Variants in ABI1 observed in about 807,000 individuals in gnomAD.
ABI1 encodes abl interactor 1, also known as Abelson interactor 1.
ABI1 carries 14 observed loss-of-function variants against 54.6 expected under a neutral mutation model. That is an observed-to-expected ratio of 0.26 (90% CI 0.17 to 0.40). ABI1 has a LOEUF of 0.40. Ranked by LOEUF, ABI1 falls within the 10% of genes least tolerant of loss-of-function variation. The probability of loss-of-function intolerance (pLI) is 1.00; values close to 1 mark genes in which losing one functional copy is unlikely to be tolerated. For missense variants in ABI1, 443 were observed against 598.3 expected (o/e 0.74, Z 2.71); for synonymous variants, 194 against 209.3 (o/e 0.93, Z 0.63).
At chr10:26,808,312 C>T (rs2047003057) in intron 2 of ABI1, among the ~76,000 whole-genome samples, 1 of 152,144 alleles carries the variant, frequency 6.6e-6, no homozygotes, top group African/African-American at 2.4e-5. Flanking sequence ...ACTCCTGGAA[C>T]AGAAACTAAA....
intron 1 of ABI1, among the ~76,000 whole-genome samples, chr10:26,854,453 A>G (rs2050655234): frequency 1.7e-5 from 1 of 59,196 alleles, no homozygotes; most frequent in Non-Finnish European, 2.7e-5. Context: ...GTGAAAGAAG[A>G]AAAAAAAAAA....
rs1398602707 is a variant in ABI1, at chr10:26,860,923, C to G, written c.-60G>C. The stretch of plus-strand genomic sequence containing the variant: ...AAGAGACAGAGGCAGCAAGGTCCGC[C>G]GAGGCTCCGAGCACCTCACAGCCCG... On this transcript the variant is annotated 5_prime_UTR_variant, in exon 1 of 11. Coordinates refer to ENST00000376140, the MANE Select transcript of ABI1 (RefSeq NM_001012750.3). This position sits in a 1 kb window ranked among gnomAD's most constrained non-coding sequence, Gnocchi z 4.1. 6.7e-7 allele frequency: 1 copy of G among 1,502,828 alleles called. No homozygotes were observed. Among genetic ancestry groups the G allele is most frequent in the East Asian group, 2.3e-5 (1 of 44,304 alleles). The allele number at this position is 1,502,828 out of a possible 1,614,324, so 93.1% of individuals were successfully genotyped here.
At chr10:26,851,359 T>TTTTTTTTTTTC (rs1263200642) in intron 1 of ABI1, among the ~76,000 whole-genome samples, 10 of 137,784 alleles carry the variant, frequency 7.3e-5, no homozygotes, top group African/African-American at 2.8e-4. Flanking sequence ...TTTTTTTTTT[T>TTTTTTTTTTTC]TTTTTTTTTT....
chr10:26,778,905 G>T lies in ABI1; in HGVS notation c.286-1664C>A, dbSNP rs1489658854. Among the ~76,000 whole-genome samples, 4 of 152,182 alleles carry T rather than the reference G, an allele frequency of 2.6e-5. No individual in the cohort carries two copies. The East Asian group carries it at 7.7e-4, about 29-fold the overall frequency. ...CTTTTTCTCTAATGTACACAACTGT[G>T]TATGCAGGCATCACCTGGCTCTTTG... On this transcript the variant is annotated intron_variant, in intron 2 of 10. Transcript: ENST00000376140.
chr10:26,750,769 T>C (rs1470957731), intron 10 of ABI1, among the ~76,000 whole-genome samples: 1 of 152,172 alleles, frequency 6.6e-6, no homozygotes, highest in Non-Finnish European at 1.5e-5. Context: ...AGCACAGAAC[T>C]GGATGAAAAA....
chr10:26,843,169 G>A (rs114800793), intron 1 of ABI1, among the ~76,000 whole-genome samples: 65 of 151,904 alleles, frequency 4.3e-4, no homozygotes, highest in African/African-American at 1.4e-3. Context: ...ATATCTTGGT[G>A]GGGTCCAGCA....
intron 7 of ABI1, among the ~76,000 whole-genome samples, chr10:26,763,014 T>C (rs769041812): frequency 1.2e-4 from 18 of 152,342 alleles, no homozygotes; most frequent in Admixed American, 3.9e-4. Flanking sequence ...GGATATAAAA[T>C]AGTATCTCAC....
intron 3 of ABI1, among the ~76,000 whole-genome samples, chr10:26,776,088 A>G (rs926568762): frequency 6.6e-6 from 1 of 152,224 alleles, no homozygotes; most frequent in African/African-American, 2.4e-5. Context: ...CACAAGAAAT[A>G]AACAAGCAGT....
chr10:26,832,032 C>T (rs1422663923), intron 1 of ABI1, among the ~76,000 whole-genome samples: 2 of 152,310 alleles, frequency 1.3e-5, no homozygotes, highest in Non-Finnish European at 1.5e-5. Context: ...CTCAAATGGT[C>T]CTTAAATGGT....
intron 2 of ABI1, among the ~76,000 whole-genome samples, chr10:26,797,616 C>T (rs1390722496): frequency 1.3e-5 from 2 of 152,060 alleles, no homozygotes; most frequent in Non-Finnish European, 2.9e-5. Flanking sequence ...GAGGGAGAAT[C>T]TCAGCAGACA....
At chr10:26,837,568 A>G (rs1167270483) in intron 1 of ABI1, among the ~76,000 whole-genome samples, 2 of 152,154 alleles carry the variant, frequency 1.3e-5, no homozygotes, top group Non-Finnish European at 2.9e-5. Context: ...ACTTGACGGC[A>G]ATACTGTTAA....
intron 1 of ABI1, among the ~76,000 whole-genome samples, chr10:26,846,228 C>T (rs1241367147): frequency 6.6e-6 from 1 of 152,102 alleles, no homozygotes; most frequent in Non-Finnish European, 1.5e-5. Context: ...TTCTGAACTC[C>T]TTCCAATCTG....
At chr10:26,783,828 G>C (rs989712086) in intron 2 of ABI1, among the ~76,000 whole-genome samples, 1 of 152,172 alleles carries the variant, frequency 6.6e-6, no homozygotes. Context: ...GCTTCCCCTA[G>C]AGTGGCTCAT....
chr10:26,758,225 CAT>C (rs1370520437), intron 8 of ABI1, among the ~76,000 whole-genome samples: 2 of 151,792 alleles, frequency 1.3e-5, no homozygotes, highest in Admixed American at 6.6e-5. Context: ...ACAAAAATAA[CAT>C]GTGGCTCTAG....
Position 26,748,577 on chromosome 10 carries a change from G to C in ABI1, c.1439C>G (p.Thr480Ser), listed in dbSNP as rs570868988. The change falls in exon 11 of 11, where the codon ACT becomes AGT. Residue 480 changes from threonine (T) to serine (S), a missense_variant. By Grantham distance (58) the Thr-to-Ser change is moderately conservative (BLOSUM62 1). This residue lies in a region of ABI1 where 49 missense variants were observed against 113.5 expected (regional missense o/e 0.43). Coordinates refer to ENST00000376140, the MANE Select transcript of ABI1 (RefSeq NM_001012750.3). ...TCAAAAGAAAAAAAAAAATTAATCAGTATAGTGCATGATTGATTCAACATA... is the reference window on the plus strand; with the variant it reads ...TCAAAAGAAAAAAAAAAATTAATCACTATAGTGCATGATTGATTCAACATA... ...GNYVESIMHY[T>S]D 3 of 1,609,988 alleles carry C rather than the reference G, an allele frequency of 1.9e-6. No homozygotes were observed. Among genetic ancestry groups the C allele is most frequent in the Non-Finnish European group, 2.5e-6 (3 of 1,178,620 alleles).
chr10:26,813,179 G>A (rs1244653033), intron 2 of ABI1, among the ~76,000 whole-genome samples: 1 of 151,796 alleles, frequency 6.6e-6, no homozygotes, highest in African/African-American at 2.4e-5. Context: ...AATCCAGGAG[G>A]CGGAGGTTGC....
intron 1 of ABI1, among the ~76,000 whole-genome samples, chr10:26,849,826 A>C (rs2050254725): frequency 6.6e-6 from 1 of 152,230 alleles, no homozygotes; most frequent in Non-Finnish European, 1.5e-5. Context: ...ATTTTTTCAC[A>C]TTGTATAATG....
chr10:26,812,208 C>A, intron 2 of ABI1, among the ~76,000 whole-genome samples: 1 of 152,110 alleles, frequency 6.6e-6, no homozygotes, highest in Non-Finnish European at 1.5e-5. Context: ...CCCCTTCTGC[C>A]AGAAGGTAAC....
intron 2 of ABI1, among the ~76,000 whole-genome samples, chr10:26,792,019 G>A (rs1367936612): frequency 6.6e-6 from 1 of 152,080 alleles, no homozygotes; most frequent in African/African-American, 2.4e-5. Context: ...ACTACATACA[G>A]GATGAATCCA....
Sources: allele counts gnomAD v4.1 joint callset (sites outside exome capture counted in the v4.1 genomes callset), GRCh38; gene constraint gnomAD v4.1.1; regional missense constraint gnomAD v4.1.1; non-coding constraint Gnocchi (gnomAD v3.1); transcripts MANE v1.5; gene names NCBI Gene and HGNC (gene_info 2026-07-23, HGNC 2026-07-21).